The following NEGR1 variants were observed in gnomAD, a reference collection of about 807,000 sequenced individuals.
The protein encoded by NEGR1 is IgLON family member 4.
NEGR1 carries 10 observed loss-of-function variants against 40.9 expected under a neutral mutation model. The observed-to-expected ratio is 0.24, with a 90% CI of 0.15 to 0.42. The LOEUF is 0.42. NEGR1 is among the 10% of genes least tolerant of loss of function. The pLI, the probability that NEGR1 is intolerant of heterozygous loss-of-function variation, is 1.00. For synonymous variants in NEGR1, 185 were observed against 166.8 expected (o/e 1.11, Z -0.84); for missense variants, 352 against 438.9 (o/e 0.80, Z 1.77).
At chr1:72,221,980 G>T (rs1412747862) in intron 1 of NEGR1, among the ~76,000 whole-genome samples, 2 of 151,826 alleles carry the variant, frequency 1.3e-5, no homozygotes, top group Admixed American at 6.6e-5. Flanking sequence ...GGCCCACCGA[G>T]GAGCAAGGGT....
Position 72,192,599 on chromosome 1 carries a change from T to C in NEGR1, c.176+89720A>G, listed in dbSNP as rs182130179. 8.6e-3 allele frequency among the ~76,000 whole-genome samples: 1,301 copies of C among 151,902 alleles called. 18 individuals are homozygous for C. The highest frequency in any genetic ancestry group is 0.03 in the African/African-American group (1,234 of 41,480). On this transcript the variant is annotated intron_variant, in intron 1 of 6. Transcript: ENST00000357731. ...GGCATATGCACATGACTTTATGAGATGTATTTTTAGCAATGATTCAGTAAG... is the reference window on the plus strand; with the variant it reads ...GGCATATGCACATGACTTTATGAGACGTATTTTTAGCAATGATTCAGTAAG...
chr1:71,574,017 G>C (rs534705628), intron 6 of NEGR1, among the ~76,000 whole-genome samples: 1 of 152,290 alleles, frequency 6.6e-6, no homozygotes, highest in Admixed American at 6.5e-5. Flanking sequence ...GGAATGCCAA[G>C]AATGAAAGAC....
chr1:71,789,257 C>G (rs1300698366), intron 2 of NEGR1, among the ~76,000 whole-genome samples: 1 of 152,094 alleles, frequency 6.6e-6, no homozygotes. Flanking sequence ...ACAAATGTCT[C>G]TTTTTGTAGA....
At chr1:71,898,657 C>CT (rs2101859524) in intron 2 of NEGR1, among the ~76,000 whole-genome samples, 1 of 132,452 alleles carries the variant, frequency 7.5e-6, no homozygotes, top group South Asian at 2.3e-4. Context: ...AAAAAAACTG[C>CT]TTTGTTTTTT....
At chr1:72,081,750 TG>T (rs1397169282) in intron 1 of NEGR1, among the ~76,000 whole-genome samples, 1 of 152,058 alleles carries the variant, frequency 6.6e-6, no homozygotes. Flanking sequence ...GGCTAGTGAG[TG>T]GCAAAATTTG....
At chr1:72,114,519 C>T (rs1028962787) in intron 1 of NEGR1, among the ~76,000 whole-genome samples, 13 of 151,752 alleles carry the variant, frequency 8.6e-5, no homozygotes, top group South Asian at 2.1e-4. Context: ...GATAGAGCTC[C>T]GTTTCTCTTA....
intron 4 of NEGR1, among the ~76,000 whole-genome samples, chr1:71,658,884 A>G (rs1651962529): frequency 6.6e-6 from 1 of 152,190 alleles, no homozygotes. Context: ...CTAATTGTTG[A>G]GTAAAACTAA....
intron 1 of NEGR1, among the ~76,000 whole-genome samples, chr1:72,175,094 T>C (rs1329232184): frequency 3.3e-5 from 5 of 152,112 alleles, no homozygotes; most frequent in Non-Finnish European, 7.4e-5. Flanking sequence ...ATTAGCTGTA[T>C]CTCCTAATGC....
intron 4 of NEGR1, among the ~76,000 whole-genome samples, chr1:71,653,705 A>T (rs1651789228): frequency 6.6e-6 from 1 of 152,144 alleles, no homozygotes; most frequent in Non-Finnish European, 1.5e-5. Context: ...TGACCATCAC[A>T]GCTACTGCTT....
intron 1 of NEGR1, among the ~76,000 whole-genome samples, chr1:72,086,781 T>A (rs1648240265): frequency 6.6e-6 from 1 of 152,228 alleles, no homozygotes; most frequent in Non-Finnish European, 1.5e-5. Context: ...TTATATTTAT[T>A]ATGATACATT....
chr1:72,075,083 A>G (rs1483781744), intron 1 of NEGR1, among the ~76,000 whole-genome samples: 1 of 152,174 alleles, frequency 6.6e-6, no homozygotes, highest in Admixed American at 6.6e-5. Flanking sequence ...GAATAAAATA[A>G]CTTAGCAATT....
Position 72,143,377 on chromosome 1 carries a change from A to G in NEGR1, c.176+138942T>C, listed in dbSNP as rs145499158. Among the ~76,000 whole-genome samples the G allele has an allele frequency of 2.1e-3, 316 of 151,982 alleles. 3 individuals are homozygous for G. The highest frequency in any genetic ancestry group is 7.4e-3 in the African/African-American group (309 of 41,536). ...ATATTCCTTCCATGTTCACAAATCA[A>G]GACAGTCATGATGCACCTAAGGCAA... On this transcript the variant is annotated intron_variant, in intron 1 of 6. Transcript: ENST00000357731.
At chr1:71,486,694 T>A (rs908917600) in intron 6 of NEGR1, 1 of 151,514 alleles carries the variant, frequency 6.6e-6, no homozygotes, top group Non-Finnish European at 1.5e-5. Flanking sequence ...ACATCAGCCA[T>A]TTTATGCTCC....
At chr1:72,103,818 G>A (rs2100251061) in intron 1 of NEGR1, among the ~76,000 whole-genome samples, 1 of 152,166 alleles carries the variant, frequency 6.6e-6, no homozygotes, top group South Asian at 2.1e-4. Context: ...TGATAAAGAA[G>A]TAGGAAAACT....
chr1:71,842,778 T>C (rs993657301), intron 2 of NEGR1, among the ~76,000 whole-genome samples: 2 of 152,156 alleles, frequency 1.3e-5, no homozygotes, highest in African/African-American at 4.8e-5. Flanking sequence ...TGCCTAACAA[T>C]GTTATCATTA....
intron 4 of NEGR1, among the ~76,000 whole-genome samples, chr1:71,631,367 T>G (rs949966410): frequency 6.6e-6 from 1 of 151,814 alleles, no homozygotes; most frequent in Non-Finnish European, 1.5e-5. Flanking sequence ...CTTTCTGAGA[T>G]GTCAGCTAAT....
intron 4 of NEGR1, among the ~76,000 whole-genome samples, chr1:71,640,790 T>C (rs1237570): frequency 0.018 from 2,710 of 152,092 alleles, 76 homozygotes; most frequent in African/African-American, 0.062. Flanking sequence ...ACCAAATATC[T>C]TCTCTATTAA....
At chr1:71,760,404 A>G (rs796897170) in intron 3 of NEGR1, among the ~76,000 whole-genome samples, 12 of 152,314 alleles carry the variant, frequency 7.9e-5, no homozygotes, top group African/African-American at 2.6e-4. Flanking sequence ...AGTAGAGGGG[A>G]CTTTGGAAAC....
At chr1:71,519,729 TAAAA>T (rs202110594) in intron 6 of NEGR1, among the ~76,000 whole-genome samples, 8 of 128,770 alleles carry the variant, frequency 6.2e-5, no homozygotes, top group African/African-American at 2.3e-4. Context: ...TAGAGTATAA[TAAAA>T]AAAAAAAAAA....
Sources: allele counts gnomAD v4.1 joint callset (sites outside exome capture counted in the v4.1 genomes callset), GRCh38; gene constraint gnomAD v4.1.1; transcripts MANE v1.5; gene names NCBI Gene and HGNC (gene_info 2026-07-23, HGNC 2026-07-21).